Variants in GOLGA8A observed in about 807,000 individuals in gnomAD.
The protein encoded by GOLGA8A is golgin A8 family member A.
Under a neutral mutation model 22.1 loss-of-function variants are expected in GOLGA8A, and 3 were observed. That is an observed-to-expected ratio of 0.14 (90% CI 0.06 to 0.35). The LOEUF (loss-of-function observed/expected upper bound fraction) is 0.35. GOLGA8A is among the 10% of genes least tolerant of loss of function. GOLGA8A has a pLI of 1.00. For synonymous variants in GOLGA8A, 7 were observed against 91.7 expected (o/e 0.08, Z 5.28); for missense variants, 16 against 233.2 (o/e 0.07, Z 6.07).
Position 34,434,779 on chromosome 15 carries a change from A to AG in GOLGA8A, c.-1123+603dup. The stretch of plus-strand genomic sequence containing the variant: ...CATCTGGGAGGCCTGCCTGGTCACC[A>AG]GGGACTACCTTACACCCTACCTGTG... On this transcript the variant is annotated intron_variant, in intron 2 of 24. Transcript: ENST00000359187. 1.3e-5 allele frequency among the ~76,000 whole-genome samples: 2 copies of AG among 149,568 alleles called. 1 individual carries two copies. Among genetic ancestry groups the AG allele is most frequent in the Non-Finnish European group, 3.0e-5 (2 of 67,160 alleles).
Position 34,427,055 on chromosome 15 carries a change from G to A in GOLGA8A, c.-1123+8328C>T, listed in dbSNP as rs138220980. ...TTTAAAATTCACCAGAAGTTAGGCC[G>A]GGCACGGTGGCTCACGCCTGTAATT... On this transcript the variant is annotated intron_variant, in intron 2 of 24. Coordinates refer to ENST00000359187, the MANE Select transcript of GOLGA8A (RefSeq NM_181077.5). Among the ~76,000 whole-genome samples the A allele has an allele frequency of 5.6e-4, 83 of 147,842 alleles. 6 individuals carry two copies. In the East Asian group the frequency reaches 0.013, roughly 24 times the overall value.
At chr15:34,397,659 GAGA>G (rs1240925196) in intron 8 of GOLGA8A, among the ~76,000 whole-genome samples, 1 of 132,362 alleles carries the variant, frequency 7.6e-6, no homozygotes, top group Non-Finnish European at 1.7e-5. Flanking sequence ...TGCTTCTGAT[GAGA>G]GCTGTGGGGA....
chr15:34,421,267 C>G (rs2453701), intron 2 of GOLGA8A, among the ~76,000 whole-genome samples: 13,064 of 140,902 alleles, frequency 0.093, 2,346 homozygotes, highest in East Asian at 0.19. Flanking sequence ...CATTAAACGA[C>G]AAGAAAATCG....
chr15:34,429,600 C>G (rs1395663500), intron 2 of GOLGA8A, among the ~76,000 whole-genome samples: 1 of 149,210 alleles, frequency 6.7e-6, no homozygotes, highest in Non-Finnish European at 1.5e-5. Flanking sequence ...GAATGGGGCT[C>G]TGATGCCACT....
intron 2 of GOLGA8A, among the ~76,000 whole-genome samples, chr15:34,424,997 G>C (rs1804323264): frequency 6.9e-6 from 1 of 145,940 alleles, no homozygotes; most frequent in Non-Finnish European, 1.5e-5. Context: ...TGAGGTGGGA[G>C]GATCACTTGA....
chr15:34,427,204 G>A lies in GOLGA8A; in HGVS notation c.-1123+8179C>T, dbSNP rs1212967084. ...AAGTTAGCCGGGAGTGGTGGCGGGC[G>A]CCTGTAGTCCCAGCTACTCGGGAAG... On this transcript the variant is annotated intron_variant, in intron 2 of 24. Coordinates refer to ENST00000359187, the MANE Select transcript of GOLGA8A (RefSeq NM_181077.5). Among the ~76,000 whole-genome samples, 8 of 146,588 alleles carry A rather than the reference G, an allele frequency of 5.5e-5. No homozygotes were observed. The South Asian group carries it at 6.6e-4, about 12-fold the overall frequency.
In GOLGA8A at chr15:34,381,490, T is replaced by C. The variant is rs1891495448; in HGVS notation, c.1733A>G (p.His578Arg). ...GCTGCCCAAGCCTGGGTGCTCCTGG[T>C]GGTCCTGCATCTCACCAAGGAGCTG... ...VVQLLGEMQD[H>R]QEHPGLGSNC... Residue 578 changes from histidine to arginine, a missense_variant, in exon 25 of 25, where the codon CAC (histidine) becomes CGC (arginine). His to Arg is a conservative substitution (Grantham distance 29). Coordinates refer to ENST00000359187, the MANE Select transcript of GOLGA8A (RefSeq NM_181077.5). 1 of 1,612,722 alleles carries C rather than the reference T, an allele frequency of 6.2e-7. No individual in the cohort carries two copies. Among genetic ancestry groups the C allele is most frequent in the Non-Finnish European group, 8.5e-7 (1 of 1,179,778 alleles).
intron 1 of GOLGA8A, 94 bp downstream of exon 1, chr15:34,437,303 GC>G (rs1194323250): frequency 6.9e-6 from 1 of 144,256 alleles, no homozygotes; most frequent in Non-Finnish European, 1.5e-5. Flanking sequence ...CGCAGCTTAC[GC>G]GCCGCCCCCC....
At position 34,436,420 on chromosome 15, in the gene GOLGA8A, A is replaced by G. The variant is rs1420232141; in HGVS notation, c.-1211-949T>C. Among the ~76,000 whole-genome samples, 26 of 149,926 alleles carry G rather than the reference A, an allele frequency of 1.7e-4. 3 individuals carry two copies. Among genetic ancestry groups the G allele is most frequent in the African/African-American group, 6.4e-4 (26 of 40,714 alleles). On this transcript the variant is annotated intron_variant, in intron 1 of 24. Coordinates refer to ENST00000359187, the MANE Select transcript of GOLGA8A (RefSeq NM_181077.5). ...CGCTTCCTCCACCGCATGCCTGTTT[A>G]GGAGCTGACTGCACTCAACCACAGA...
intron 2 of GOLGA8A, among the ~76,000 whole-genome samples, chr15:34,421,419 G>A (rs1346893518): frequency 7.1e-6 from 1 of 141,222 alleles, no homozygotes; most frequent in Non-Finnish European, 1.5e-5. Context: ...ACTGTGGCAA[G>A]ATAAGGGTTT....
rs939989906 is a variant in GOLGA8A, at chr15:34,427,360, G to C, written c.-1123+8023C>G. On this transcript the variant is annotated intron_variant, in intron 2 of 24. Transcript: ENST00000359187. ...AAAAAAAAAAAAAAAAAATTCACCAGAAGTTCCCAAGGAATTTGCTTCCAC... is the reference window on the plus strand; with the variant it reads ...AAAAAAAAAAAAAAAAAATTCACCACAAGTTCCCAAGGAATTTGCTTCCAC... Among the ~76,000 whole-genome samples the C allele has an allele frequency of 4.9e-5, 7 of 144,016 alleles. 1 individual carries two copies. Among genetic ancestry groups the C allele is most frequent in the African/African-American group, 1.8e-4 (7 of 38,810 alleles). 94.5% of individuals were successfully genotyped at this position (144,016 alleles called of 152,430 possible).
At chr15:34,418,790 CG>C (rs1892676572) in intron 2 of GOLGA8A, 1 of 147,006 alleles carries the variant, frequency 6.8e-6, no homozygotes, top group Non-Finnish European at 1.5e-5. Context: ...AGGTGAGAGC[CG>C]GGTGGGTGGC....
chr15:34,430,009 G>A (rs1313462592), intron 2 of GOLGA8A, among the ~76,000 whole-genome samples: 5 of 147,304 alleles, frequency 3.4e-5, no homozygotes, highest in East Asian at 2.0e-4. Flanking sequence ...GGTCCCCCAC[G>A]GCAGCTCCCC....
At chr15:34,424,003 C>T (rs1201929795) in intron 2 of GOLGA8A, among the ~76,000 whole-genome samples, 3 of 147,782 alleles carry the variant, frequency 2.0e-5, no homozygotes, top group Non-Finnish European at 4.5e-5. Flanking sequence ...CCACTGATAG[C>T]ACCTGAGGAG....
At chr15:34,429,275 T>C (rs1893124359) in intron 2 of GOLGA8A, among the ~76,000 whole-genome samples, 1 of 146,272 alleles carries the variant, frequency 6.8e-6, no homozygotes, top group South Asian at 2.2e-4. Flanking sequence ...CCCACCTACT[T>C]TGCTCCCAAC....
At position 34,437,494 on chromosome 15, in the gene GOLGA8A, C is replaced by CCGCT. The variant is rs1566916934; in HGVS notation, c.-1309_-1308insAGCG. 8 of 82,684 alleles carry CCGCT rather than the reference C, an allele frequency of 9.7e-5. No homozygotes were observed. Among genetic ancestry groups the CCGCT allele is most frequent in the East Asian group, 3.7e-4 (1 of 2,702 alleles). The allele number at this position is 82,684 out of a possible 1,614,324, so 5.1% of individuals were successfully genotyped here. On this transcript the variant is annotated 5_prime_UTR_variant, in exon 1 of 25. Transcript: ENST00000359187. ...CCTCGCCGCGCCGCCGTCCTCGCCGCGCCGCCGTCCTCGCCGCGCCGCCGT... is the reference window on the plus strand; with the variant it reads ...CCTCGCCGCGCCGCCGTCCTCGCCGCCGCTGCCGCCGTCCTCGCCGCGCCGCCGT...
At chr15:34,404,108 ATACTT>A (rs1892129277) in intron 5 of GOLGA8A, among the ~76,000 whole-genome samples, 1 of 15,036 alleles carries the variant, frequency 6.7e-5, no homozygotes, top group African/African-American at 2.8e-4. Context: ...CTATCTATCC[ATACTT>A]TAGAGTTGAG....
At position 34,386,606 on chromosome 15, in the gene GOLGA8A, G is replaced by A. The variant is rs200733115; in HGVS notation, c.285+19C>T. The stretch of plus-strand genomic sequence containing the variant: ...CAGGATTGGCAGCGTGGAATCAGGG[G>A]ACCCCACTGGACTCTTACCAAAGAT... On this transcript the variant is annotated intron_variant, in intron 12 of 24. Coordinates refer to ENST00000359187, the MANE Select transcript of GOLGA8A (RefSeq NM_181077.5). 0.13 allele frequency: 179,191 copies of A among 1,400,746 alleles called. 5,700 individuals are homozygous for A. The highest frequency in any genetic ancestry group is 0.14 in the Non-Finnish European group (144,270 of 1,032,512). 86.8% of individuals were successfully genotyped at this position (1,400,746 alleles called of 1,614,324 possible). A position where few individuals can be genotyped will look rare whatever the true frequency, so the allele number is the denominator to read the frequency against.
At chr15:34,420,177 G>C (rs1173498036) in intron 2 of GOLGA8A, 1 of 146,750 alleles carries the variant, frequency 6.8e-6, no homozygotes, top group Admixed American at 7.0e-5. Context: ...GATGCCAGGA[G>C]AGCGGTGTCA....
Sources: allele counts gnomAD v4.1 joint callset (sites outside exome capture counted in the v4.1 genomes callset), GRCh38; gene constraint gnomAD v4.1.1; transcripts MANE v1.5; gene names NCBI Gene and HGNC (gene_info 2026-07-23, HGNC 2026-07-21).